The following NF1 variants were observed in gnomAD, a reference collection of about 807,000 sequenced individuals.
NF1 encodes neurofibromin.
A neutral mutation model predicts 325.7 loss-of-function variants in NF1; 122 were observed. The observed-to-expected ratio is 0.37, with a 90% CI of 0.32 to 0.44. NF1 has a LOEUF of 0.44. Among genes scored for constraint, NF1 ranks in the 20% least tolerant of loss-of-function variants. The probability of loss-of-function intolerance (pLI) is 1.00; values close to 1 mark genes in which losing one functional copy is unlikely to be tolerated. For missense variants in NF1, 2,140 were observed against 3,415.4 expected, an observed-to-expected ratio of 0.63 and a Z score of 9.31; for synonymous variants, 1,091 against 1,186.0, an observed-to-expected ratio of 0.92 and a Z score of 1.65.
At chr17:31,359,097 A>G (rs2070343423) in intron 56 of NF1, 82 bp downstream of exon 56, 1 of 1,115,016 alleles carries the variant, frequency 9.0e-7, no homozygotes, top group South Asian at 1.3e-5. Context: ...AGAACACACA[A>G]TGTGCTGAAA....
chr17:31,121,318 T>G (rs369112311), intron 1 of NF1, among the ~76,000 whole-genome samples: 9 of 152,084 alleles, frequency 5.9e-5, no homozygotes, highest in East Asian at 1.9e-4. Context: ...CTCTTCAAGA[T>G]CATGGAAGAT....
chr17:31,362,300 C>T, intron 57 of NF1: 2 of 985,438 alleles, frequency 2.0e-6, no homozygotes, highest in Non-Finnish European at 2.4e-6. Flanking sequence ...ACTGCAGCCA[C>T]TGAATTCCTT....
intron 4 of NF1, among the ~76,000 whole-genome samples, chr17:31,164,584 G>A (rs573217225): frequency 6.6e-6 from 1 of 152,256 alleles, no homozygotes; most frequent in South Asian, 2.1e-4. Flanking sequence ...AGTGTTGTAC[G>A]AACAGTGGAC....
intron 36 of NF1, among the ~76,000 whole-genome samples, chr17:31,313,272 G>T (rs189021341): frequency 1.3e-5 from 2 of 152,064 alleles, no homozygotes; most frequent in African/African-American, 2.4e-5. Flanking sequence ...TCTATAAAAA[G>T]TACATTAGAA....
At chr17:31,136,148 T>G (rs1004356776) in intron 1 of NF1, 1 of 151,780 alleles carries the variant, frequency 6.6e-6, no homozygotes, top group African/African-American at 2.4e-5. Context: ...GCTAACGCGG[T>G]GAAACCCCCA....
intron 51 of NF1, among the ~76,000 whole-genome samples, chr17:31,354,836 T>C (rs1469614054): frequency 6.6e-6 from 1 of 151,874 alleles, no homozygotes. Context: ...AAAACAAAAA[T>C]CAGGTTTGGA....
chr17:31,269,544 G>A lies in NF1; in HGVS notation c.4835+4205G>A, dbSNP rs958605396. Among the ~76,000 whole-genome samples, 22 of 152,158 alleles carry A rather than the reference G, an allele frequency of 1.4e-4. 1 individual carries two copies. The highest frequency in any genetic ancestry group is 9.2e-4 in the Admixed American group (14 of 15,266). Reference sequence around the variant, plus strand: ...AATTCAAATTTATGTGTGCCAAAAAGGAATTTATTGACTCATGTACCTAAG... The same window carrying A: ...AATTCAAATTTATGTGTGCCAAAAAAGAATTTATTGACTCATGTACCTAAG... On this transcript the variant is annotated intron_variant, in intron 36 of 57. Coordinates refer to ENST00000358273, the MANE Select transcript of NF1 (RefSeq NM_001042492.3).
intron 1 of NF1, among the ~76,000 whole-genome samples, chr17:31,132,609 A>G (rs1435574434): frequency 6.6e-6 from 1 of 151,918 alleles, no homozygotes; most frequent in Admixed American, 6.6e-5. Context: ...TTGTTGTTAC[A>G]TTTTCTTTCC....
intron 54 of NF1, 52 bp from the exon 55 acceptor site, chr17:31,358,428 T>G: frequency 6.4e-7 from 1 of 1,555,012 alleles, no homozygotes; most frequent in Non-Finnish European, 8.8e-7. Context: ...CTACATATTT[T>G]CATTTAATTT....
At chr17:31,253,385 A>G in intron 31 of NF1, 1 of 195,394 alleles carries the variant, frequency 5.1e-6, no homozygotes. Context: ...CTTTTCCCAG[A>G]GATGACAGTG....
At chr17:31,192,064 G>A (rs2066352521) in intron 8 of NF1, among the ~76,000 whole-genome samples, 3 of 151,964 alleles carry the variant, frequency 2.0e-5, no homozygotes, top group African/African-American at 4.8e-5. Flanking sequence ...TTTGACTATA[G>A]TATCTTTTTT....
At position 31,098,709 on chromosome 17, in the gene NF1, C is replaced by T. The variant is rs183623785; in HGVS notation, c.60+3340C>T. On this transcript the variant is annotated intron_variant, in intron 1 of 57. Coordinates refer to ENST00000358273, the MANE Select transcript of NF1 (RefSeq NM_001042492.3). Reference sequence around the variant, plus strand: ...AGCACTTTGGGAGGCCGAGGCGGGCCGATCATGAGGTCAGGAGATCGAGAC... The same window carrying T: ...AGCACTTTGGGAGGCCGAGGCGGGCTGATCATGAGGTCAGGAGATCGAGAC... 2.8e-3 allele frequency among the ~76,000 whole-genome samples: 426 copies of T among 151,956 alleles called. 1 individual carries two copies. Among genetic ancestry groups the T allele is most frequent in the African/African-American group, 9.6e-3 (398 of 41,484 alleles).
intron 1 of NF1, among the ~76,000 whole-genome samples, chr17:31,140,470 T>C (rs1019426738): frequency 6.6e-6 from 1 of 152,220 alleles, no homozygotes; most frequent in African/African-American, 2.4e-5. Flanking sequence ...AGTAATTTTA[T>C]AAAGACAAAA....
chr17:31,309,760 A>T (rs1369317628), intron 36 of NF1, among the ~76,000 whole-genome samples: 1 of 152,208 alleles, frequency 6.6e-6, no homozygotes, highest in Non-Finnish European at 1.5e-5. Context: ...AGTTTGTAAG[A>T]TCAATTTTGA....
chr17:31,184,181 T>C (rs2905878), intron 8 of NF1, among the ~76,000 whole-genome samples: 81,643 of 151,944 alleles, frequency 0.54, 25,821 homozygotes, highest in Middle Eastern at 0.76. Flanking sequence ...GTCGTTGCTG[T>C]GAACTGTTTA....
Position 31,360,714 on chromosome 17 carries a change from G to A in NF1, c.8377+11G>A, listed in dbSNP as rs754068299. On this transcript the variant is annotated intron_variant, in intron 57 of 57. Coordinates refer to ENST00000358273, the MANE Select transcript of NF1 (RefSeq NM_001042492.3). ...CCCAGCATTCCCCAGGTCAGTAAAT[G>A]TGATCTTTATATGACTTTGAGCAAC... 12 of 1,597,728 alleles carry A rather than the reference G, an allele frequency of 7.5e-6. No individual in the cohort carries two copies. Among genetic ancestry groups the A allele is most frequent in the Non-Finnish European group, 6.0e-6 (7 of 1,165,208 alleles).
At chr17:31,340,920 C>T (rs17884746) in intron 47 of NF1, among the ~76,000 whole-genome samples, 329 of 147,580 alleles carry the variant, frequency 2.2e-3, no homozygotes, top group African/African-American at 7.8e-3. Flanking sequence ...ATAAATAATA[C>T]ATGATCATCC....
intron 8 of NF1, among the ~76,000 whole-genome samples, chr17:31,197,344 CTT>C (rs61619278): frequency 8.1e-4 from 80 of 99,222 alleles, no homozygotes; most frequent in Non-Finnish European, 1.0e-3. Context: ...CCGCGCCTGG[CTT>C]TTTTTTTTTT....
chr17:31,318,942 C>T lies in NF1; in HGVS notation c.4836-6878C>T, dbSNP rs756643099. The T allele has an allele frequency of 3.7e-6, 6 of 1,613,386 alleles. No individual in the cohort carries two copies. In the South Asian group the frequency reaches 4.4e-5, roughly 12 times the overall value. On this transcript the variant is annotated intron_variant, in intron 36 of 57. Transcript: ENST00000358273. ...TATAGTTTGCTTTTGTTCCAGGAGACAAAGAAAAAACTGTTGTCATCAGAA... is the reference window on the plus strand; with the variant it reads ...TATAGTTTGCTTTTGTTCCAGGAGATAAAGAAAAAACTGTTGTCATCAGAA...
Sources: allele counts gnomAD v4.1 joint callset (sites outside exome capture counted in the v4.1 genomes callset), GRCh38; gene constraint gnomAD v4.1.1; transcripts MANE v1.5; gene names NCBI Gene and HGNC (gene_info 2026-07-23, HGNC 2026-07-21).